LRP12: variants seen among roughly 807,000 people sequenced by gnomAD.
The protein encoded by LRP12 is low-density lipoprotein receptor-related protein 12.
LRP12 carries 14 observed loss-of-function variants against 66.0 expected under a neutral mutation model. The ratio of observed to expected loss-of-function variants is 0.21; its 90% confidence interval spans 0.14 to 0.33. LRP12 has a LOEUF of 0.33. LRP12 is among the 10% of genes least tolerant of loss of function. The pLI is 1.00. For synonymous variants in LRP12, 357 were observed against 359.1 expected (o/e 0.99, Z 0.07); for missense variants, 889 against 1,053.4 (o/e 0.84, Z 2.16).
At chr8:104,534,411 C>T (rs926945762) in intron 1 of LRP12, among the ~76,000 whole-genome samples, 2 of 151,738 alleles carry the variant, frequency 1.3e-5, no homozygotes, top group Admixed American at 1.3e-4. Flanking sequence ...TTAGCATTGG[C>T]CAAATTTGTT....
chr8:104,584,289 CTA>C (rs1339029608), intron 1 of LRP12, among the ~76,000 whole-genome samples: 2 of 151,520 alleles, frequency 1.3e-5, no homozygotes, highest in African/African-American at 2.4e-5. Flanking sequence ...TAAAAATATT[CTA>C]TGTTTACTTA....
chr8:104,541,455 GA>G (rs1051974867), intron 1 of LRP12, among the ~76,000 whole-genome samples: 5 of 151,774 alleles, frequency 3.3e-5, no homozygotes, highest in African/African-American at 1.2e-4. Context: ...AGAACGCCAG[GA>G]AAAAAAATTA....
intron 1 of LRP12, among the ~76,000 whole-genome samples, chr8:104,586,382 GAATT>G (rs1198473347): frequency 4.6e-5 from 7 of 152,194 alleles, no homozygotes; most frequent in African/African-American, 7.2e-5. Context: ...ACTCTGTGAA[GAATT>G]AATATTGGAG....
At chr8:104,527,217 C>G (rs1339068855) in intron 2 of LRP12, among the ~76,000 whole-genome samples, 1 of 144,036 alleles carries the variant, frequency 6.9e-6, no homozygotes, top group East Asian at 2.0e-4. Context: ...AATAGGAACA[C>G]TTTTACACTG....
At chr8:104,562,795 T>C (rs886558017) in intron 1 of LRP12, among the ~76,000 whole-genome samples, 2 of 152,180 alleles carry the variant, frequency 1.3e-5, no homozygotes, top group South Asian at 4.1e-4. Flanking sequence ...TTAATAACCT[T>C]ATTTCAAACC....
chr8:104,523,093 A>G (rs556205213), intron 2 of LRP12, among the ~76,000 whole-genome samples: 2 of 152,258 alleles, frequency 1.3e-5, no homozygotes, highest in East Asian at 3.9e-4. Context: ...TCTTAGAAAT[A>G]AAAAAGGCTA....
At chr8:104,572,053 CTG>C (rs1192897308) in intron 1 of LRP12, among the ~76,000 whole-genome samples, 2 of 152,208 alleles carry the variant, frequency 1.3e-5, no homozygotes, top group Non-Finnish European at 2.9e-5. Flanking sequence ...AACTGATAAA[CTG>C]TGGTATATCC....
chr8:104,570,915 G>A (rs1268564427), intron 1 of LRP12, among the ~76,000 whole-genome samples: 1 of 152,074 alleles, frequency 6.6e-6, no homozygotes, highest in African/African-American at 2.4e-5. Flanking sequence ...TTAAAAATGA[G>A]TAATGAACTC....
intron 2 of LRP12, among the ~76,000 whole-genome samples, chr8:104,525,612 C>A (rs1331875060): frequency 3.3e-5 from 5 of 151,846 alleles, no homozygotes; most frequent in Non-Finnish European, 5.9e-5. Flanking sequence ...GATATTTTAA[C>A]TAGGCTTTTT....
intron 1 of LRP12, among the ~76,000 whole-genome samples, chr8:104,549,501 C>T (rs1244866653): frequency 6.9e-6 from 1 of 145,820 alleles, no homozygotes; most frequent in East Asian, 2.0e-4. Context: ...CTCCCGGGTT[C>T]ATGCCATTCT....
rs1238476372 is a variant in LRP12, at chr8:104,491,172, C to G, written c.2081G>C (p.Ser694Thr). Residue 694 changes from serine (S) to threonine (T), a missense_variant, in exon 7 of 7, where the codon AGT becomes ACT. Transcript: ENST00000276654. ...ACCTCGGGTACTCTGAGTTGAGGAA[C>G]TTGCACATGCTCCTACTGTCGCTTC... ...AVEATVGACA[S>T]SSTQSTRGGH... 6.2e-7 allele frequency: 1 copy of G among 1,614,114 alleles called. No individual in the cohort carries two copies.
chr8:104,511,850 A>G (rs1335802454), intron 2 of LRP12, among the ~76,000 whole-genome samples: 4 of 152,022 alleles, frequency 2.6e-5, no homozygotes, highest in African/African-American at 4.8e-5. Context: ...GCACAGATAT[A>G]TCAAGGGCTT....
intron 1 of LRP12, among the ~76,000 whole-genome samples, chr8:104,561,176 T>C (rs887804274): frequency 2.0e-5 from 3 of 152,150 alleles, no homozygotes; most frequent in South Asian, 2.1e-4. Flanking sequence ...AAACAGTCAT[T>C]AGGTAGAATT....
In LRP12 at chr8:104,497,726, G is replaced by T. The variant is rs1188558740; in HGVS notation, c.826C>A (p.Pro276Thr). 1 of 1,613,748 alleles carries T rather than the reference G, an allele frequency of 6.2e-7. No homozygotes were observed. ...FYGTFNSPNY[P>T]DFYPPGSNCT... ...TTGCTTCCAGGAGGATAAAAGTCTG[G>T]ATAATTGGGAGAATTAAAAGTACCA... Residue 276 changes from proline (P) to threonine (T), a missense_variant, in exon 5 of 7, where the codon CCA (proline) becomes ACA (threonine). Physicochemically the swap from Pro to Thr is conservative, Grantham distance 38. Coordinates refer to ENST00000276654, the MANE Select transcript of LRP12 (RefSeq NM_013437.5). The surrounding 1 kb of genome is among the most constrained non-coding windows in gnomAD (Gnocchi z 4.3).
intron 1 of LRP12, among the ~76,000 whole-genome samples, chr8:104,572,226 CAG>C (rs111844877): frequency 0.017 from 2,565 of 152,240 alleles, 69 homozygotes; most frequent in African/African-American, 0.058. Context: ...AGGAACATCT[CAG>C]TGGCTATCAC....
At chr8:104,505,782 G>C (rs775474851) in intron 3 of LRP12, 11 of 151,998 alleles carry the variant, frequency 7.2e-5, no homozygotes, top group Non-Finnish European at 1.3e-4. Flanking sequence ...TTAATCAGTG[G>C]CTACCTTTTG....
intron 3 of LRP12, among the ~76,000 whole-genome samples, chr8:104,499,927 CT>C (rs1461384548): frequency 6.6e-6 from 1 of 152,182 alleles, no homozygotes; most frequent in East Asian, 1.9e-4. Context: ...TCAGCCTTCT[CT>C]TAGATTAATA....
rs1002711658 is a variant in LRP12, at chr8:104,542,147, T to C, written c.80-10184A>G. 2.6e-5 allele frequency among the ~76,000 whole-genome samples: 4 copies of C among 152,194 alleles called. No homozygotes were observed. The South Asian group carries it at 8.3e-4, about 32-fold the overall frequency. ...ATAAGGGTCCATTTCTCCACATCCT[T>C]GACAACATTTGTTATTGTCCACCTT... On this transcript the variant is annotated intron_variant, in intron 1 of 6. Coordinates refer to ENST00000276654, the MANE Select transcript of LRP12 (RefSeq NM_013437.5).
intron 1 of LRP12, among the ~76,000 whole-genome samples, chr8:104,548,301 AATATATATT>A (rs1345624081): frequency 2.3e-5 from 2 of 85,518 alleles, no homozygotes; most frequent in East Asian, 5.7e-4. Flanking sequence ...ATATTTATAT[AATATATATT>A]ATATAAATAT....
Sources: gnomAD v4.1 joint callset for allele counts (sites outside exome capture counted in the v4.1 genomes callset) on GRCh38, gnomAD v4.1.1 for gene constraint, Gnocchi (gnomAD v3.1) non-coding constraint, MANE v1.5 for transcripts, NCBI Gene and HGNC (gene_info 2026-07-23, HGNC 2026-07-21) for gene names.